The following GALNT13 variants were observed in gnomAD, a reference collection of about 807,000 sequenced individuals.
GALNT13 encodes the protein UDP-GalNAc:polypeptide N-acetylgalactosaminyltransferase 13.
A neutral mutation model predicts 64.2 loss-of-function variants in GALNT13; 28 were observed. That is an observed-to-expected ratio of 0.44 (90% CI 0.32 to 0.60). GALNT13 has a LOEUF of 0.60. Among genes scored for constraint, GALNT13 ranks in the 20% least tolerant of loss-of-function variants. GALNT13 has a pLI of 0.05. For synonymous variants in GALNT13, 214 were observed against 224.6 expected, an observed-to-expected ratio of 0.95 and a Z score of 0.42; for missense variants, 577 against 669.8, an observed-to-expected ratio of 0.86 and a Z score of 1.53.
the GALNT13 span, among the ~76,000 whole-genome samples, chr2:153,844,184 T>C: frequency 6.6e-6 from 1 of 152,188 alleles, no homozygotes; most frequent in Non-Finnish European, 1.5e-5. Context: ...TGGGGGCTTC[T>C]CCCCTGCAGC....
chr2:153,319,563 G>A, the GALNT13 span, among the ~76,000 whole-genome samples: 18 of 152,288 alleles, frequency 1.2e-4, no homozygotes, highest in East Asian at 3.3e-3. Context: ...ATAGGTGTGA[G>A]CCACTGCACC....
chr2:154,420,510 C>T (rs1373921609), intron 11 of GALNT13, among the ~76,000 whole-genome samples: 5 of 152,142 alleles, frequency 3.3e-5, no homozygotes, highest in African/African-American at 1.2e-4. Flanking sequence ...TAACCTTACT[C>T]ATTACTGTGA....
At chr2:154,253,748 G>A (rs904062685) in intron 7 of GALNT13, among the ~76,000 whole-genome samples, 10 of 152,162 alleles carry the variant, frequency 6.6e-5, no homozygotes, top group Admixed American at 3.3e-4. Context: ...TAGCAGGTGC[G>A]AGCAAAGAAC....
the GALNT13 span, among the ~76,000 whole-genome samples, chr2:153,548,806 C>T: frequency 6.6e-6 from 1 of 152,144 alleles, no homozygotes; most frequent in African/African-American, 2.4e-5. Flanking sequence ...AACATATGCT[C>T]ACGTGAAAAC....
At chr2:153,461,708 G>A in the GALNT13 span, among the ~76,000 whole-genome samples, 1 of 152,060 alleles carries the variant, frequency 6.6e-6, no homozygotes, top group African/African-American at 2.4e-5. Flanking sequence ...CATCTGACCT[G>A]CCAAGGCTCC....
At chr2:153,095,378 G>A in the GALNT13 span, among the ~76,000 whole-genome samples, 1 of 152,176 alleles carries the variant, frequency 6.6e-6, no homozygotes. Flanking sequence ...TCATTAAAAA[G>A]TCAGGAAACA....
the GALNT13 span, among the ~76,000 whole-genome samples, chr2:153,682,317 A>C: frequency 4.6e-5 from 7 of 151,736 alleles, no homozygotes; most frequent in African/African-American, 1.4e-4. Context: ...GTCTTCTGTA[A>C]TATCGTAGTC....
At chr2:153,508,167 A>G in the GALNT13 span, among the ~76,000 whole-genome samples, 1 of 152,082 alleles carries the variant, frequency 6.6e-6, no homozygotes, top group Non-Finnish European at 1.5e-5. Flanking sequence ...AGAAGGTGGC[A>G]CTCTCAAGAG....
At chr2:154,017,551 A>G (rs917730117) in intron 3 of GALNT13, among the ~76,000 whole-genome samples, 1 of 152,188 alleles carries the variant, frequency 6.6e-6, no homozygotes, top group Admixed American at 6.5e-5. Flanking sequence ...TAAGTGCAAC[A>G]TTGAGAAATT....
At chr2:153,934,639 A>G (rs141964614) in intron 2 of GALNT13, among the ~76,000 whole-genome samples, 6 of 152,304 alleles carry the variant, frequency 3.9e-5, no homozygotes, top group African/African-American at 1.4e-4. Context: ...TGCTATGACT[A>G]TAAAAGTACA....
the GALNT13 span, among the ~76,000 whole-genome samples, chr2:153,675,246 C>T: frequency 3.3e-5 from 5 of 152,162 alleles, no homozygotes; most frequent in Non-Finnish European, 5.9e-5. Flanking sequence ...CACATGCACA[C>T]GTATGTTTAT....
the GALNT13 span, among the ~76,000 whole-genome samples, chr2:153,694,071 G>C: frequency 1.3e-5 from 2 of 152,164 alleles, no homozygotes; most frequent in Non-Finnish European, 2.9e-5. Flanking sequence ...TCATGCCACT[G>C]CACTCCAGCC....
the GALNT13 span, among the ~76,000 whole-genome samples, chr2:153,361,952 T>C: frequency 6.6e-6 from 1 of 151,946 alleles, no homozygotes; most frequent in African/African-American, 2.4e-5. Context: ...AAGGAGAAAG[T>C]ACTAAGGGCA....
At chr2:153,186,414 C>T in the GALNT13 span, among the ~76,000 whole-genome samples, 4 of 152,086 alleles carry the variant, frequency 2.6e-5, no homozygotes, top group African/African-American at 9.7e-5. Context: ...GCCAGCTTGA[C>T]ATTCTCTGTC....
At chr2:153,444,659 G>A in the GALNT13 span, among the ~76,000 whole-genome samples, 11 of 152,184 alleles carry the variant, frequency 7.2e-5, no homozygotes, top group South Asian at 4.2e-4. Flanking sequence ...AGATAATTTC[G>A]CCCTTTTTGG....
At chr2:153,999,338 C>G (rs1695740090) in intron 3 of GALNT13, among the ~76,000 whole-genome samples, 1 of 151,012 alleles carries the variant, frequency 6.6e-6, no homozygotes, top group African/African-American at 2.4e-5. Context: ...GTGGCTAAGA[C>G]TCCCAATAGT....
the GALNT13 span, among the ~76,000 whole-genome samples, chr2:153,594,202 A>G: frequency 3.9e-5 from 6 of 152,144 alleles, no homozygotes; most frequent in Non-Finnish European, 1.5e-5. Flanking sequence ...TCTTATATAC[A>G]CAGCTGCTGG....
chr2:153,387,694 A>T, the GALNT13 span, among the ~76,000 whole-genome samples: 1 of 152,072 alleles, frequency 6.6e-6, no homozygotes, highest in Non-Finnish European at 1.5e-5. Flanking sequence ...CACAACTCTT[A>T]AACTGTAGCC....
At chr2:153,544,649 G>T in the GALNT13 span, among the ~76,000 whole-genome samples, 3 of 152,200 alleles carry the variant, frequency 2.0e-5, no homozygotes, top group African/African-American at 7.2e-5. Context: ...CCATGATTCA[G>T]GTAAGATTTC....
Sources: gnomAD v4.1 joint callset for allele counts (sites outside exome capture counted in the v4.1 genomes callset) on GRCh38, gnomAD v4.1.1 for gene constraint, MANE v1.5 for transcripts, NCBI Gene and HGNC (gene_info 2026-07-23, HGNC 2026-07-21) for gene names.